The following ZNF875 variants were observed in gnomAD, a reference collection of about 807,000 sequenced individuals.
ZNF875 encodes the protein HKR1, GLI-Kruppel zinc finger family member.
In ZNF875, 14 loss-of-function variants were observed where a neutral mutation model predicts 11.2. The ratio of observed to expected loss-of-function variants is 1.26; its 90% confidence interval spans 0.83 to 1.96. The LOEUF (loss-of-function observed/expected upper bound fraction) is 1.96, where lower values mean the gene tolerates loss of function less well. ZNF875 is among the 30% of genes most tolerant of loss of function. The pLI is 0.00. For synonymous variants in ZNF875, 301 were observed against 281.1 expected, an observed-to-expected ratio of 1.07 and a Z score of -0.71; for missense variants, 752 against 760.4, an observed-to-expected ratio of 0.99 and a Z score of 0.13.
chr19:37,339,863 C>T (rs1007923323), intron 2 of ZNF875, among the ~76,000 whole-genome samples: 1 of 149,684 alleles, frequency 6.7e-6, no homozygotes, highest in Admixed American at 6.6e-5. Context: ...CGCGGCTGGC[C>T]CTGAACCCTG....
In ZNF875 at chr19:37,363,261, G is replaced by C. The variant is rs774572333; in HGVS notation, c.1409G>C (p.Arg470Thr). ...AAGTCAAACCTTAACAAACACCAGA[G>C]GTCACACACGGGGGAGAAGCCATTT... ...SLKSNLNKHQ[R>T]SHTGEKPFVC... The change falls in exon 5 of 5, where the codon AGG (arginine) becomes ACG (threonine). Residue 470 changes from arginine to threonine, a missense_variant. Transcript: ENST00000392153. The C allele has an allele frequency of 1.2e-6, 2 of 1,613,774 alleles. No homozygotes were observed.
At chr19:37,354,950 T>C in intron 4 of ZNF875, among the ~76,000 whole-genome samples, 1 of 152,206 alleles carries the variant, frequency 6.6e-6, no homozygotes, top group Non-Finnish European at 1.5e-5. Flanking sequence ...TTTTGTAAAT[T>C]ACCCAGTCTC....
At chr19:37,339,056 GTGTC>G (rs1228059466) in intron 2 of ZNF875, among the ~76,000 whole-genome samples, 2 of 151,926 alleles carry the variant, frequency 1.3e-5, no homozygotes, top group African/African-American at 2.4e-5. Flanking sequence ...ACAAACTTGA[GTGTC>G]TGCTATGTGC....
chr19:37,342,047 C>T (rs556320822), intron 2 of ZNF875, among the ~76,000 whole-genome samples: 4 of 152,334 alleles, frequency 2.6e-5, no homozygotes, highest in South Asian at 4.1e-4. Context: ...GCTGAAATCA[C>T]AGTCAGACAG....
In ZNF875 at chr19:37,362,804, G is replaced by A. The variant is rs762456237; in HGVS notation, c.952G>A (p.Gly318Ser). 2 of 1,613,392 alleles carry A rather than the reference G, an allele frequency of 1.2e-6. No homozygotes were observed. The highest frequency in any genetic ancestry group is 1.1e-5 in the South Asian group (1 of 91,034). ...KPYVCKDCGR[G>S]FTWKSNLFTH... is the part of the protein sequence containing the mutation. ...TTATGTGTGCAAGGATTGTGGACGA[G>A]GCTTTACTTGGAAGTCGAACCTCTT... Residue 318 changes from glycine (G) to serine (S), a missense_variant, in exon 5 of 5, where the codon GGC (glycine) becomes AGC (serine). Coordinates refer to ENST00000392153, the MANE Select transcript of ZNF875 (RefSeq NM_001353803.2).
chr19:37,318,236 C>T (rs1379097222), intron 1 of ZNF875: 1 of 152,462 alleles, frequency 6.6e-6, no homozygotes, highest in Admixed American at 6.5e-5. Flanking sequence ...CCTTTTATTT[C>T]TAGGCAGGTG....
chr19:37,329,020 ACT>A (rs1399277926), intron 4 of ZNF875: 1 of 151,946 alleles, frequency 6.6e-6, no homozygotes, highest in Non-Finnish European at 1.5e-5. Context: ...TGAAGAAGAA[ACT>A]CTAGGAGTGA....
chr19:37,321,998 C>T (rs1385078704), intron 1 of ZNF875, among the ~76,000 whole-genome samples: 2 of 152,168 alleles, frequency 1.3e-5, no homozygotes, highest in Non-Finnish European at 2.9e-5. Flanking sequence ...GGGTCAAAGA[C>T]TCTCCCGTAT....
At chr19:37,355,165 T>A (rs1489697062) in intron 4 of ZNF875, among the ~76,000 whole-genome samples, 1 of 152,162 alleles carries the variant, frequency 6.6e-6, no homozygotes, top group Admixed American at 6.5e-5. Context: ...TATGTTCATA[T>A]GTGTTTGTTT....
At chr19:37,331,562 C>CA (rs1242392945), upstream of ZNF875, among the ~76,000 whole-genome samples, 1 of 149,422 alleles carries the variant, frequency 6.7e-6, no homozygotes, top group Non-Finnish European at 1.5e-5. Flanking sequence ...TGTGTCAACT[C>CA]AGAGTTAAAT....
rs1193483030 is a variant in ZNF875, at chr19:37,346,928, A to G, written c.34-262A>G. ...GCCCAGGCTGGAGTGCAATGGCGCA[A>G]TCTCGGCTTACCGCAAGTAACTGGG... On this transcript the variant is annotated intron_variant, in intron 2 of 4. Coordinates refer to ENST00000392153, the MANE Select transcript of ZNF875 (RefSeq NM_001353803.2). 6 of 364,470 alleles carry G rather than the reference A, an allele frequency of 1.6e-5. No individual in the cohort carries two copies. In the Admixed American group the frequency reaches 2.5e-4, roughly 15 times the overall value. 22.6% of individuals were successfully genotyped at this position (364,470 alleles called of 1,614,324 possible). A position where few individuals can be genotyped will look rare whatever the true frequency, so the allele number is the denominator to read the frequency against.
intron 2 of ZNF875, among the ~76,000 whole-genome samples, chr19:37,343,269 G>A (rs1453660269): frequency 6.6e-6 from 1 of 151,894 alleles, no homozygotes; most frequent in African/African-American, 2.4e-5. Flanking sequence ...CTTGAACCCA[G>A]GAGGCAGAGG....
chr19:37,362,473 T>C lies in ZNF875; in HGVS notation c.621T>C (p.Asp207=), dbSNP rs61741499. Residue 207 remains aspartate, a synonymous_variant, in exon 5 of 5, where the codon GAT becomes GAC. Transcript: ENST00000392153. ...GGTCCAGCCCTGAACGGAGGGCAGATCTAGAGGAAACAGACAAAGTATTGC... is the reference window on the plus strand; with the variant it reads ...GGTCCAGCCCTGAACGGAGGGCAGACCTAGAGGAAACAGACAAAGTATTGC... ...DIGSSPERRA[D]LEETDKVLHG... The C allele has an allele frequency of 9.2e-3, 14,846 of 1,614,128 alleles. 312 individuals are homozygous for C. The highest frequency in any genetic ancestry group is 0.062 in the Admixed American group (3,737 of 60,006).
At chr19:37,344,351 A>G (rs1259547575) in intron 2 of ZNF875, among the ~76,000 whole-genome samples, 1 of 152,096 alleles carries the variant, frequency 6.6e-6, no homozygotes, top group Non-Finnish European at 1.5e-5. Flanking sequence ...TAGCCCTAGG[A>G]TGGGGACTGA....
At chr19:37,344,710 C>T (rs752668786) in intron 2 of ZNF875, 1 of 1,613,864 alleles carries the variant, frequency 6.2e-7, no homozygotes, top group Non-Finnish European at 8.5e-7. Context: ...ACAGTGTCTA[C>T]AATGCTCCCT....
At chr19:37,330,165 T>G (rs2033156355), upstream of ZNF875, among the ~76,000 whole-genome samples, 1 of 152,224 alleles carries the variant, frequency 6.6e-6, no homozygotes, top group Non-Finnish European at 1.5e-5. Flanking sequence ...TTGTATATAT[T>G]TATGGGGTAC....
chr19:37,332,874 TA>T (rs1261811862), upstream of ZNF875, among the ~76,000 whole-genome samples: 4 of 152,180 alleles, frequency 2.6e-5, no homozygotes, highest in Non-Finnish European at 4.4e-5. Flanking sequence ...TAGGACTCCT[TA>T]AAGCACAGAT....
At chr19:37,353,682 T>C (rs1012542256) in intron 4 of ZNF875, among the ~76,000 whole-genome samples, 1 of 152,242 alleles carries the variant, frequency 6.6e-6, no homozygotes, top group African/African-American at 2.4e-5. Context: ...ATAGAATCGC[T>C]GGTTAACATA....
chr19:37,340,996 A>G (rs1225540465), intron 2 of ZNF875, among the ~76,000 whole-genome samples: 5 of 152,190 alleles, frequency 3.3e-5, no homozygotes, highest in African/African-American at 1.2e-4. Context: ...ACTCAGCTGA[A>G]AAAAGAGGAG....
Sources: gnomAD v4.1 joint callset for allele counts (sites outside exome capture counted in the v4.1 genomes callset) on GRCh38, gnomAD v4.1.1 for gene constraint, MANE v1.5 for transcripts, NCBI Gene and HGNC (gene_info 2026-07-23, HGNC 2026-07-21) for gene names.